Variants in SLC4A5 observed in about 807,000 individuals in gnomAD.
SLC4A5 encodes the protein solute carrier family 4 member 5, also known as electrogenic sodium bicarbonate cotransporter 4.
In SLC4A5, 96 loss-of-function variants were observed where a neutral mutation model predicts 120.4. That is an observed-to-expected ratio of 0.80 (90% confidence interval 0.68 to 0.94). SLC4A5 has a LOEUF of 0.94. Among genes scored for constraint, SLC4A5 ranks in the 40% least tolerant of loss-of-function variants. SLC4A5 has a pLI of 0.00. For synonymous variants in SLC4A5, 550 were observed against 571.1 expected, an observed-to-expected ratio of 0.96 and a Z score of 0.53; for missense variants, 1,259 against 1,459.5, an observed-to-expected ratio of 0.86 and a Z score of 2.24.
intron 28 of SLC4A5, 75 bp from the exon 29 acceptor site, chr2:74,223,027 C>CTCTGTCTCAAAAA: frequency 1.1e-6 from 1 of 950,846 alleles, no homozygotes; most frequent in Non-Finnish European, 1.5e-6. Context: ...TTTTTTGAGA[C>CTCTGTCTCAAAAA]AGAGTCTCGC....
At chr2:74,290,864 A>G (rs1238243695) in intron 7 of SLC4A5, among the ~76,000 whole-genome samples, 2 of 151,998 alleles carry the variant, frequency 1.3e-5, no homozygotes, top group East Asian at 3.9e-4. Context: ...TGTGGTCTCT[A>G]GGAGAGCCCA....
At chr2:74,312,269 G>GTGTA (rs746447254) in intron 6 of SLC4A5, among the ~76,000 whole-genome samples, 2 of 151,562 alleles carry the variant, frequency 1.3e-5, no homozygotes, top group East Asian at 3.9e-4. Context: ...GTGTGTGTGT[G>GTGTA]TGTATATGCA....
At chr2:74,296,108 C>G (rs910955045) in intron 7 of SLC4A5, among the ~76,000 whole-genome samples, 1 of 152,128 alleles carries the variant, frequency 6.6e-6, no homozygotes, top group Non-Finnish European at 1.5e-5. Flanking sequence ...AAGATTCTCT[C>G]CTGGTAGGGT....
intron 6 of SLC4A5, among the ~76,000 whole-genome samples, chr2:74,312,621 T>C (rs1672841843): frequency 6.6e-6 from 1 of 152,178 alleles, no homozygotes; most frequent in Non-Finnish European, 1.5e-5. Flanking sequence ...AATTGATATG[T>C]TTAGACCATT....
In SLC4A5 at chr2:74,290,418, G is replaced by T. The variant is rs976654402; in HGVS notation, c.272-4516C>A. The stretch of plus-strand genomic sequence containing the variant: ...AGGGGAGGTGTGGGGAGAGAAGAAG[G>T]GGGGTTTGAGGGGAGAAAAAGAGAG... On this transcript the variant is annotated intron_variant, in intron 7 of 30. Coordinates refer to ENST00000394019, the Ensembl canonical transcript of SLC4A5. 25 of 985,406 alleles carry T rather than the reference G, an allele frequency of 2.5e-5. No individual in the cohort carries two copies. In the South Asian group the frequency reaches 4.7e-4, roughly 19 times the overall value. The allele number at this position is 985,406 out of a possible 1,614,324, so 61.0% of individuals were successfully genotyped here. A position where few individuals can be genotyped will look rare whatever the true frequency, so the allele number is the denominator to read the frequency against.
At chr2:74,236,775 G>A (rs900477057) in intron 21 of SLC4A5, among the ~76,000 whole-genome samples, 2 of 152,058 alleles carry the variant, frequency 1.3e-5, no homozygotes, top group Non-Finnish European at 2.9e-5. Flanking sequence ...AGTCAAATAT[G>A]GGCAACTTCA....
chr2:74,252,970 A>G lies in SLC4A5; in HGVS notation c.1268+4T>C, dbSNP rs1219905335. On this transcript the variant is annotated splice_donor_region_variant and intron_variant, in intron 15 of 30. Transcript: ENST00000394019. ...CTCTCCCTACTGCCCATTCTCATAC[A>G]CACCTCTTGTCAGCAGAGGGCACCT... is the stretch of plus-strand genomic sequence containing the variant. 1 of 1,613,982 alleles carries G rather than the reference A, an allele frequency of 6.2e-7. No individual in the cohort carries two copies. The highest frequency in any genetic ancestry group is 8.5e-7 in the Non-Finnish European group (1 of 1,180,028).
rs1670917986 is a variant in SLC4A5, at chr2:74,255,042, A to G, written c.1026-336T>C. Among the ~76,000 whole-genome samples, 1 of 152,070 alleles carries G rather than the reference A, an allele frequency of 6.6e-6. No homozygotes were observed. Among genetic ancestry groups the G allele is most frequent in the South Asian group, 2.1e-4 (1 of 4,824 alleles). ...CACCATGCTGCCCAGGCTGGTCTCC[A>G]ACTCCTGGGCTCGAGCAATTCACCC... On this transcript the variant is annotated intron_variant, in intron 13 of 30. Coordinates refer to ENST00000394019, the Ensembl canonical transcript of SLC4A5. This position sits in a 1 kb window ranked among gnomAD's most constrained non-coding sequence, Gnocchi z 4.0.
At chr2:74,256,403 C>T (rs1670966473) in intron 12 of SLC4A5, among the ~76,000 whole-genome samples, 1 of 152,200 alleles carries the variant, frequency 6.6e-6, no homozygotes, top group Non-Finnish European at 1.5e-5. Flanking sequence ...GCCTTATTTT[C>T]CCTTTGCCAC....
chr2:74,244,468 C>CTCTT (rs35563879), intron 19 of SLC4A5, among the ~76,000 whole-genome samples: 95,065 of 146,026 alleles, frequency 0.65, 31,969 homozygotes, highest in African/African-American at 0.83. Flanking sequence ...CCTTTTCTTT[C>CTCTT]TCTTTCTTTC....
At chr2:74,221,243 GTAAGAA>G (rs1694633784) in intron 30 of SLC4A5, among the ~76,000 whole-genome samples, 185 bp downstream of exon 30, 1 of 152,206 alleles carries the variant, frequency 6.6e-6, no homozygotes, top group East Asian at 1.9e-4. Context: ...TGTTAAGTCA[GTAAGAA>G]GACATACTTG....
intron 10 of SLC4A5, among the ~76,000 whole-genome samples, chr2:74,263,208 T>A (rs1164343526): frequency 6.6e-6 from 1 of 152,166 alleles, no homozygotes. Flanking sequence ...CTTGGCTAAT[T>A]TTTTGTAAGG....
At chr2:74,251,703 G>A (rs1161957700) in intron 16 of SLC4A5, among the ~76,000 whole-genome samples, 1 of 152,188 alleles carries the variant, frequency 6.6e-6, no homozygotes, top group Non-Finnish European at 1.5e-5. Flanking sequence ...ATGTGGTGGA[G>A]AGGCAGAGCC....
intron 27 of SLC4A5, among the ~76,000 whole-genome samples, chr2:74,226,083 G>C (rs1465676465): frequency 6.6e-6 from 1 of 152,208 alleles, no homozygotes; most frequent in Non-Finnish European, 1.5e-5. Context: ...CTCAACCCTG[G>C]CTGCAGGTCT....
intron 19 of SLC4A5, among the ~76,000 whole-genome samples, chr2:74,244,109 C>T (rs774757081): frequency 2.0e-5 from 3 of 152,240 alleles, no homozygotes; most frequent in Admixed American, 6.5e-5. Flanking sequence ...GTTCTCCCCC[C>T]TCATCCCAGT....
At chr2:74,289,679 C>T (rs1187765195) in intron 7 of SLC4A5, among the ~76,000 whole-genome samples, 3 of 152,140 alleles carry the variant, frequency 2.0e-5, no homozygotes, top group Non-Finnish European at 4.4e-5. Context: ...CTAGCAGACA[C>T]CAAATGTTTA....
rs55689286 is a variant in SLC4A5 at position 74,229,104 on chromosome 2, C to CTTTTTTTTT, written c.2848-1235_2848-1227dup. On this transcript the variant is annotated intron_variant, in intron 25 of 30. Transcript: ENST00000394019. ...AAAGAAGTCTGTTCTTAGATTTGAG[C>CTTTTTTTTT]TTTTTTTTTTTTCTTGAGACAGAGT... Among the ~76,000 whole-genome samples the CTTTTTTTTT allele has an allele frequency of 3.1e-3, 307 of 98,588 alleles. 145 individuals are homozygous for CTTTTTTTTT. Among genetic ancestry groups the CTTTTTTTTT allele is most frequent in the Middle Eastern group, 0.022 (4 of 186 alleles). The allele number at this position is 98,588 out of a possible 152,430, so 64.7% of individuals were successfully genotyped here.
rs111417670 is a variant in SLC4A5 at position 74,312,243 on chromosome 2, A to ATGTG, written c.79+2698_79+2701dup. Among the ~76,000 whole-genome samples, 991 of 139,434 alleles carry ATGTG rather than the reference A, an allele frequency of 7.1e-3. 5 individuals are homozygous for ATGTG. Among genetic ancestry groups the ATGTG allele is most frequent in the South Asian group, 9.6e-3 (43 of 4,488 alleles). The allele number at this position is 139,434 out of a possible 152,430, so 91.5% of individuals were successfully genotyped here. A position where few individuals can be genotyped will look rare whatever the true frequency, so the allele number is the denominator to read the frequency against. The stretch of plus-strand genomic sequence containing the variant: ...TATATCTCTATATGTGTGTGTGTAT[A>ATGTG]TGTGTGTGTGTGTGTGTGTGTGTGT... On this transcript the variant is annotated intron_variant, in intron 6 of 30. Coordinates refer to ENST00000394019, the Ensembl canonical transcript of SLC4A5.
In SLC4A5 at chr2:74,248,494, C is replaced by T. The variant is rs375913696; in HGVS notation, c.1654-8G>A. ...GAAGCTCTCCATCACTCCCTGGGGG[C>T]ACAAGGAATGTGTGGTTCAGCATAG... On this transcript the variant is annotated splice_region_variant and splice_polypyrimidine_tract_variant and intron_variant, in intron 17 of 30. Coordinates refer to ENST00000394019, the Ensembl canonical transcript of SLC4A5. 13 of 1,613,500 alleles carry T rather than the reference C, an allele frequency of 8.1e-6. No homozygotes were observed. The African/African-American group carries it at 1.5e-4, about 18-fold the overall frequency.
Sources: allele counts gnomAD v4.1 joint callset (sites outside exome capture counted in the v4.1 genomes callset), GRCh38; gene constraint gnomAD v4.1.1; non-coding constraint Gnocchi (gnomAD v3.1); transcripts MANE v1.5; gene names NCBI Gene and HGNC (gene_info 2026-07-23, HGNC 2026-07-21).